KLC1: variants seen among roughly 807,000 people sequenced by gnomAD.
KLC1 encodes the protein kinesin 2 60/70kDa.
In KLC1, 30 loss-of-function variants were observed where a neutral mutation model predicts 84.2. The observed-to-expected ratio is 0.36, with a 90% confidence interval of 0.27 to 0.48. The LOEUF (loss-of-function observed/expected upper bound fraction) is 0.48, where lower values mean the gene tolerates loss of function less well. Among genes scored for constraint, KLC1 ranks in the 20% least tolerant of loss-of-function variants. KLC1 has a pLI of 0.99. For missense variants in KLC1, 499 were observed against 805.4 expected (o/e 0.62, Z 4.60); for synonymous variants, 289 against 293.3 (o/e 0.99, Z 0.15).
chr14:103,659,044 C>T (rs965305722), intron 3 of KLC1, among the ~76,000 whole-genome samples: 1 of 151,704 alleles, frequency 6.6e-6, no homozygotes, highest in African/African-American at 2.4e-5. Flanking sequence ...ATGGCGCGAT[C>T]TTGGCTCACT....
chr14:103,632,483 A>C (rs910087626), intron 1 of KLC1, among the ~76,000 whole-genome samples: 1 of 152,162 alleles, frequency 6.6e-6, no homozygotes, highest in East Asian at 1.9e-4. Flanking sequence ...TGGGAGGCCA[A>C]GATGGACCGA....
At position 103,687,204 on chromosome 14, in the gene KLC1, A is replaced by G. The variant is rs773381680; in HGVS notation, c.1774A>G (p.Asn592Asp). ...AAGTTCACGAGAGAGTGAGCCAAAGAACCCCGGGTAACTATCTCTTCCAGC... is the reference window on the plus strand; with the variant it reads ...AAGTTCACGAGAGAGTGAGCCAAAGGACCCCGGGTAACTATCTCTTCCAGC... Reference protein sequence around the residue: ...GGSSRESEPKNPGMKRASSLN... With the variant: ...GGSSRESEPKDPGMKRASSLN... The change falls in exon 14 of 17, where the codon AAC (asparagine) becomes GAC (aspartate). Residue 592 changes from asparagine to aspartate, a missense_variant. By Grantham distance (23) the Asn-to-Asp change is conservative. Transcript: ENST00000334553. 2.7e-5 allele frequency: 41 copies of G among 1,543,014 alleles called. 1 individual carries two copies. In the South Asian group the frequency reaches 4.7e-4, roughly 18 times the overall value.
chr14:103,649,620 A>C (rs2078243300), intron 1 of KLC1, among the ~76,000 whole-genome samples: 1 of 151,306 alleles, frequency 6.6e-6, no homozygotes, highest in Non-Finnish European at 1.5e-5. Flanking sequence ...TGAGACTTTA[A>C]ATTTAGTAGA....
chr14:103,629,974 C>A (rs1277929064), intron 1 of KLC1, among the ~76,000 whole-genome samples: 3 of 152,126 alleles, frequency 2.0e-5, no homozygotes, highest in African/African-American at 4.8e-5. Flanking sequence ...TGTCCGATTC[C>A]TCCTCTTCCT....
rs2082336310 is a variant in KLC1, at chr14:103,694,944, GCCAGCGGGTGC to G, written c.1848+2521_1848+2531del. 8 of 985,170 alleles carry G rather than the reference GCCAGCGGGTGC, an allele frequency of 8.1e-6. No homozygotes were observed. In the South Asian group the frequency reaches 3.3e-4, roughly 40 times the overall value. 61.0% of individuals were successfully genotyped at this position (985,170 alleles called of 1,614,324 possible). ...TCCACAAGACAAGCTCCGTGTAGTCGCCAGCGGGTGCCTGGCCCAGGAGCTGCCCTGTGGAG... is the reference window on the plus strand; with the variant it reads ...TCCACAAGACAAGCTCCGTGTAGTCGCTGGCCCAGGAGCTGCCCTGTGGAG... On this transcript the variant is annotated intron_variant, in intron 15 of 16. Transcript: ENST00000334553. This position sits in a 1 kb window ranked among gnomAD's most constrained non-coding sequence, Gnocchi z 4.5.
intron 3 of KLC1, among the ~76,000 whole-genome samples, chr14:103,660,750 C>T (rs920590675): frequency 1.3e-5 from 2 of 151,988 alleles, no homozygotes; most frequent in East Asian, 3.9e-4. Context: ...AAGATCATGC[C>T]GCTGTACTCC....
chr14:103,685,921 G>A (rs1217330872), intron 13 of KLC1: 3 of 1,119,688 alleles, frequency 2.7e-6, no homozygotes, highest in Admixed American at 4.7e-5. Context: ...AATTAAGAGC[G>A]ATTAGCTGTT....
At chr14:103,637,482 A>G (rs2077135262) in intron 1 of KLC1, among the ~76,000 whole-genome samples, 1 of 151,706 alleles carries the variant, frequency 6.6e-6, no homozygotes, top group African/African-American at 2.4e-5. Context: ...GTGAGTCGAG[A>G]TTGCGACACT....
chr14:103,643,131 G>C (rs1451415606), intron 1 of KLC1, among the ~76,000 whole-genome samples: 1 of 152,176 alleles, frequency 6.6e-6, no homozygotes, highest in Admixed American at 6.5e-5. Flanking sequence ...ACAAATATCT[G>C]TAAGTCCATA....
chr14:103,697,194 C>G (rs150884475), intron 15 of KLC1: 2 of 894,874 alleles, frequency 2.2e-6, no homozygotes, highest in Admixed American at 6.2e-5. Flanking sequence ...TGTAAAAATC[C>G]AACCCCAAAA....
intron 5 of KLC1, among the ~76,000 whole-genome samples, chr14:103,668,160 G>C (rs530505453): frequency 6.6e-6 from 1 of 152,370 alleles, no homozygotes; most frequent in East Asian, 1.9e-4. Flanking sequence ...GGGACTGCGT[G>C]AGGTCACGTA....
intron 5 of KLC1, among the ~76,000 whole-genome samples, chr14:103,664,219 T>C (rs1449108663): frequency 1.3e-5 from 2 of 152,208 alleles, no homozygotes; most frequent in Non-Finnish European, 2.9e-5. Flanking sequence ...TGGTGCAATC[T>C]CAGCTCACCG....
At chr14:103,653,868 G>A (rs1424274622) in intron 1 of KLC1, among the ~76,000 whole-genome samples, 4 of 152,172 alleles carry the variant, frequency 2.6e-5, no homozygotes, top group Admixed American at 6.5e-5. Context: ...CAGTGACAGC[G>A]GCTGTCAGGC....
intron 13 of KLC1, 51 bp from the exon 14 acceptor site, chr14:103,687,030 G>T: frequency 6.9e-7 from 1 of 1,459,778 alleles, no homozygotes; most frequent in Non-Finnish European, 9.3e-7. Flanking sequence ...GGCTCTTGTG[G>T]GAAGGAGGGA....
At chr14:103,637,270 A>G (rs1018849328) in intron 1 of KLC1, among the ~76,000 whole-genome samples, 2 of 151,972 alleles carry the variant, frequency 1.3e-5, no homozygotes, top group African/African-American at 4.8e-5. Flanking sequence ...GGTGGCTCAC[A>G]CCTATAATCC....
chr14:103,684,472 CT>C (rs1177048263), intron 13 of KLC1, among the ~76,000 whole-genome samples: 1 of 152,238 alleles, frequency 6.6e-6, no homozygotes, highest in East Asian at 1.9e-4. Flanking sequence ...GGCCTTCCCC[CT>C]GGTTCTCACA....
chr14:103,699,200 T>C (rs755604906), intron 15 of KLC1: 27 of 1,554,314 alleles, frequency 1.7e-5, no homozygotes, highest in Non-Finnish European at 2.3e-5. Flanking sequence ...ACAGTCCAGG[T>C]CAGCTGCAAC....
intron 1 of KLC1, among the ~76,000 whole-genome samples, chr14:103,652,855 G>A (rs1335077745): frequency 6.6e-6 from 1 of 152,182 alleles, no homozygotes; most frequent in African/African-American, 2.4e-5. Context: ...TTTCTGAATA[G>A]TCTTACAGAC....
At chr14:103,698,525 C>G (rs189909594) in intron 15 of KLC1, 4 of 513,350 alleles carry the variant, frequency 7.8e-6, no homozygotes, top group Non-Finnish European at 1.4e-5. Context: ...CTGAGAATCA[C>G]CTCTCCCCAA....
Sources: gnomAD v4.1 joint callset for allele counts (sites outside exome capture counted in the v4.1 genomes callset) on GRCh38, gnomAD v4.1.1 for gene constraint, Gnocchi (gnomAD v3.1) non-coding constraint, MANE v1.5 for transcripts, NCBI Gene and HGNC (gene_info 2026-07-23, HGNC 2026-07-21) for gene names.